The following ATG10 variants were observed in gnomAD, a reference collection of about 807,000 sequenced individuals.
ATG10 encodes autophagy related 10.
A neutral mutation model predicts 32.1 loss-of-function variants in ATG10; 30 were observed. The observed-to-expected ratio is 0.94, with a 90% CI of 0.70 to 1.27. The LOEUF (loss-of-function observed/expected upper bound fraction) is 1.27, where lower values mean the gene tolerates loss of function less well. Among genes scored for constraint, ATG10 ranks in the 50% most tolerant of loss-of-function variants. ATG10 has a pLI of 0.00. For missense variants in ATG10, 233 were observed against 262.3 expected (o/e 0.89, Z 0.77); for synonymous variants, 87 against 91.5 (o/e 0.95, Z 0.28).
chr5:82,057,981 G>A (rs776604288), intron 2 of ATG10, among the ~76,000 whole-genome samples: 1 of 152,196 alleles, frequency 6.6e-6, no homozygotes, highest in Non-Finnish European at 1.5e-5. Flanking sequence ...TGACCGCTGT[G>A]TAAGGGAGTA....
At chr5:82,052,189 C>T (rs1033049336) in intron 2 of ATG10, among the ~76,000 whole-genome samples, 14 of 152,172 alleles carry the variant, frequency 9.2e-5, no homozygotes, top group African/African-American at 3.4e-4. Context: ...GAGCTTAGAC[C>T]CTTAGATAAC....
intron 1 of ATG10, among the ~76,000 whole-genome samples, chr5:81,973,701 A>T (rs546190440): frequency 6.6e-5 from 10 of 152,352 alleles, no homozygotes; most frequent in South Asian, 4.1e-4. Context: ...TTAGGACTCC[A>T]AGTAGAATCC....
intron 3 of ATG10, among the ~76,000 whole-genome samples, chr5:82,114,541 G>A (rs943991510): frequency 3.9e-5 from 6 of 151,966 alleles, no homozygotes; most frequent in African/African-American, 1.4e-4. Flanking sequence ...AGGCTTTAAG[G>A]GTAGCTTGGG....
chr5:82,005,730 T>C (rs993689194), intron 2 of ATG10, among the ~76,000 whole-genome samples: 1 of 152,224 alleles, frequency 6.6e-6, no homozygotes, highest in African/African-American at 2.4e-5. Flanking sequence ...AAGTGATTGA[T>C]AAAATAATTT....
chr5:82,111,609 G>T (rs1765624360), intron 3 of ATG10, among the ~76,000 whole-genome samples: 1 of 151,910 alleles, frequency 6.6e-6, no homozygotes, highest in African/African-American at 2.4e-5. Flanking sequence ...ATAAGAAAAT[G>T]AATTAAATTG....
chr5:82,037,448 C>T (rs928662027), intron 2 of ATG10, among the ~76,000 whole-genome samples: 4 of 149,646 alleles, frequency 2.7e-5, no homozygotes, highest in Middle Eastern at 3.4e-3. Flanking sequence ...GGGGTTTCAC[C>T]GTTTTAGCCG....
intron 3 of ATG10, among the ~76,000 whole-genome samples, chr5:82,145,093 T>C (rs1283870779): frequency 6.6e-6 from 1 of 152,056 alleles, no homozygotes; most frequent in Non-Finnish European, 1.5e-5. Context: ...TGATATTATA[T>C]CTACTCCAAC....
chr5:82,080,602 C>G (rs911419775), intron 3 of ATG10, among the ~76,000 whole-genome samples: 18 of 152,150 alleles, frequency 1.2e-4, no homozygotes, highest in African/African-American at 4.3e-4. Context: ...TTTCCCAGCA[C>G]CATTTATTAA....
At position 82,028,536 on chromosome 5, in the gene ATG10, T is replaced by C. The variant is rs1317302742; in HGVS notation, c.109-29959T>C. Among the ~76,000 whole-genome samples, 5 of 152,188 alleles carry C rather than the reference T, an allele frequency of 3.3e-5. No individual in the cohort carries two copies. In the East Asian group the frequency reaches 9.6e-4, roughly 29 times the overall value. ...CAATGTTTTATTGACAGAGAAACTC[T>C]TGTGTAATATACTTTTCCTGTGTAA... is the stretch of plus-strand genomic sequence containing the variant. On this transcript the variant is annotated intron_variant, in intron 2 of 7. Transcript: ENST00000282185.
chr5:82,223,911 A>G (rs542688548), intron 5 of ATG10, among the ~76,000 whole-genome samples: 1 of 152,272 alleles, frequency 6.6e-6, no homozygotes, highest in East Asian at 1.9e-4. Context: ...AGATAGGGGG[A>G]TGAACCCAGA....
intron 5 of ATG10, among the ~76,000 whole-genome samples, chr5:82,210,708 T>G (rs1745459972): frequency 6.6e-6 from 1 of 152,134 alleles, no homozygotes; most frequent in Non-Finnish European, 1.5e-5. Flanking sequence ...AGGAGGTTGA[T>G]GGCGAGGGCA....
chr5:82,144,821 A>G (rs756122997), intron 3 of ATG10, among the ~76,000 whole-genome samples: 8 of 152,076 alleles, frequency 5.3e-5, no homozygotes, highest in Non-Finnish European at 8.8e-5. Context: ...TAATTAGGTC[A>G]TAAGTCCTCT....
chr5:82,004,767 C>T (rs1031037834), intron 2 of ATG10, among the ~76,000 whole-genome samples: 1 of 152,190 alleles, frequency 6.6e-6, no homozygotes, highest in African/African-American at 2.4e-5. Flanking sequence ...GATGTCTTGA[C>T]AGTGTCAACT....
At chr5:82,190,008 C>G (rs1320572104) in intron 5 of ATG10, among the ~76,000 whole-genome samples, 1 of 152,172 alleles carries the variant, frequency 6.6e-6, no homozygotes, top group African/African-American at 2.4e-5. Flanking sequence ...CTCCTACTGT[C>G]TATTTCACTT....
intron 2 of ATG10, among the ~76,000 whole-genome samples, chr5:82,008,948 C>G (rs765981313): frequency 6.6e-6 from 1 of 152,038 alleles, no homozygotes; most frequent in Non-Finnish European, 1.5e-5. Flanking sequence ...CTGAAATCAC[C>G]ATCTCAGCAT....
intron 3 of ATG10, among the ~76,000 whole-genome samples, chr5:82,130,241 A>T (rs1409904096): frequency 6.6e-6 from 1 of 152,186 alleles, no homozygotes; most frequent in Non-Finnish European, 1.5e-5. Flanking sequence ...CTATGCTGGC[A>T]GCATGAATTT....
At chr5:82,176,987 A>G (rs1481046696) in intron 4 of ATG10, among the ~76,000 whole-genome samples, 2 of 152,226 alleles carry the variant, frequency 1.3e-5, no homozygotes, top group African/African-American at 2.4e-5. Context: ...TAATATTAGT[A>G]TGGTACTATA....
chr5:82,181,293 A>G (rs1744223355), intron 5 of ATG10, among the ~76,000 whole-genome samples: 1 of 152,166 alleles, frequency 6.6e-6, no homozygotes, highest in South Asian at 2.1e-4. Context: ...TGTTTATTTA[A>G]GCTTTAAAAT....
At chr5:82,083,950 G>A (rs1275741693) in intron 3 of ATG10, among the ~76,000 whole-genome samples, 1 of 152,224 alleles carries the variant, frequency 6.6e-6, no homozygotes, top group Non-Finnish European at 1.5e-5. Context: ...CTCCTTGCCA[G>A]CAACGGAACA....
Sources: gnomAD v4.1 joint callset for allele counts (sites outside exome capture counted in the v4.1 genomes callset) on GRCh38, gnomAD v4.1.1 for gene constraint, MANE v1.5 for transcripts, NCBI Gene and HGNC (gene_info 2026-07-23, HGNC 2026-07-21) for gene names.